Variants in LPP observed in about 807,000 individuals in gnomAD.
LPP encodes LIM domain containing preferred translocation partner in lipoma.
A neutral mutation model predicts 60.4 loss-of-function variants in LPP; 38 were observed. That is an observed-to-expected ratio of 0.63 (90% CI 0.49 to 0.83). The LOEUF (loss-of-function observed/expected upper bound fraction) is 0.83. LPP is among the 40% of genes least tolerant of loss of function. The probability of loss-of-function intolerance (pLI) is 0.00; values close to 1 mark genes in which losing one functional copy is unlikely to be tolerated. For missense variants in LPP, 902 were observed against 783.6 expected, an observed-to-expected ratio of 1.15 and a Z score of -1.80; for synonymous variants, 328 against 290.8, an observed-to-expected ratio of 1.13 and a Z score of -1.30.
At chr3:188,153,543 CCTTCCT>C (rs1195755912), upstream of LPP, 2 of 152,526 alleles carry the variant, frequency 1.3e-5, no homozygotes, top group Non-Finnish European at 2.9e-5. Flanking sequence ...TCCTACGTCT[CCTTCCT>C]CTTCCTCTAG....
chr3:188,474,528 T>A (rs149850671), intron 4 of LPP, among the ~76,000 whole-genome samples: 1 of 152,214 alleles, frequency 6.6e-6, no homozygotes, highest in African/African-American at 2.4e-5. Flanking sequence ...ACCATCATTG[T>A]CTTTGGAGGG....
chr3:188,174,184 A>T (rs1024310835), intron 1 of LPP, among the ~76,000 whole-genome samples: 1 of 152,268 alleles, frequency 6.6e-6, no homozygotes, highest in South Asian at 2.1e-4. Flanking sequence ...AGAGTTATTC[A>T]TGAGGAAATC....
intron 7 of LPP, among the ~76,000 whole-genome samples, chr3:188,704,883 G>A (rs535313473): frequency 6.6e-6 from 1 of 151,872 alleles, no homozygotes; most frequent in East Asian, 1.9e-4. Context: ...AAACATCTCA[G>A]CATGGCATGG....
intron 8 of LPP, among the ~76,000 whole-genome samples, chr3:188,745,895 G>C (rs891870133): frequency 4.6e-5 from 7 of 152,078 alleles, no homozygotes; most frequent in African/African-American, 1.7e-4. Context: ...ACTGAGGCCC[G>C]TGGTGGTTAA....
At chr3:188,176,288 G>A (rs999311494) in intron 1 of LPP, among the ~76,000 whole-genome samples, 1 of 151,920 alleles carries the variant, frequency 6.6e-6, no homozygotes, top group Non-Finnish European at 1.5e-5. Context: ...TTCAACTTCT[G>A]GGATTTCTTG....
At chr3:188,327,028 A>G (rs1758607922) in intron 2 of LPP, among the ~76,000 whole-genome samples, 1 of 152,214 alleles carries the variant, frequency 6.6e-6, no homozygotes, top group Non-Finnish European at 1.5e-5. Context: ...TTACTTTCTT[A>G]TCATCCTCTG....
chr3:188,818,159 C>G (rs1286728702), intron 9 of LPP, among the ~76,000 whole-genome samples: 1 of 152,160 alleles, frequency 6.6e-6, no homozygotes, highest in Non-Finnish European at 1.5e-5. Flanking sequence ...AGAAAAATGA[C>G]TTGCTCAAGA....
chr3:188,804,282 T>TATATATATATAA (rs1560227180), intron 9 of LPP, among the ~76,000 whole-genome samples: 3 of 123,146 alleles, frequency 2.4e-5, no homozygotes, highest in African/African-American at 6.1e-5. Context: ...TATATATATA[T>TATATATATATAA]AAAATGGAAT....
At chr3:188,432,472 A>G (rs187832909) in intron 4 of LPP, among the ~76,000 whole-genome samples, 123 of 152,320 alleles carry the variant, frequency 8.1e-4, no homozygotes, top group Non-Finnish European at 1.4e-3. Context: ...ACGAAGTTCT[A>G]AGATAAAAAT....
intron 7 of LPP, among the ~76,000 whole-genome samples, chr3:188,670,441 GTCTC>G (rs1020873586): frequency 6.0e-5 from 9 of 151,142 alleles, no homozygotes; most frequent in Non-Finnish European, 1.2e-4. Context: ...AAGAACCCAG[GTCTC>G]TCTCTTTTTT....
chr3:188,241,085 A>G (rs1289057687), intron 2 of LPP, among the ~76,000 whole-genome samples: 1 of 152,364 alleles, frequency 6.6e-6, no homozygotes, highest in African/African-American at 2.4e-5. Flanking sequence ...CAGTTTTATC[A>G]GGGAAGTGTC....
intron 6 of LPP, among the ~76,000 whole-genome samples, chr3:188,581,548 A>T (rs527523329): frequency 6.6e-6 from 1 of 151,998 alleles, no homozygotes; most frequent in Non-Finnish European, 1.5e-5. Context: ...CTGGTCCTGG[A>T]CTTTACTCAT....
intron 3 of LPP, among the ~76,000 whole-genome samples, chr3:188,383,298 A>T (rs1777380088): frequency 2.0e-5 from 3 of 152,144 alleles, no homozygotes; most frequent in Non-Finnish European, 2.9e-5. Context: ...CCAGACACAG[A>T]CTATATTTTG....
At chr3:188,593,403 A>G (rs904278075) in intron 6 of LPP, among the ~76,000 whole-genome samples, 4 of 152,066 alleles carry the variant, frequency 2.6e-5, no homozygotes, top group African/African-American at 7.2e-5. Context: ...ATACTTTAAT[A>G]TATTCATTCA....
chr3:188,524,198 T>G (rs550607801), intron 5 of LPP, among the ~76,000 whole-genome samples: 1 of 152,322 alleles, frequency 6.6e-6, no homozygotes, highest in African/African-American at 2.4e-5. Context: ...GACCTGAGAC[T>G]TCCAAGCACT....
In LPP at chr3:188,609,195, C is replaced by G. The variant is rs150267429; in HGVS notation, c.464C>G (p.Ser155Trp). The change falls in exon 7 of 12, where the codon TCG becomes TGG. Residue 155 changes from serine (S) to tryptophan (W), a missense_variant. Physicochemically the swap from Ser to Trp is radical, Grantham distance 177 (BLOSUM62 -3). Transcript: ENST00000617246. The surrounding 1 kb of genome is among the most constrained non-coding windows in gnomAD (Gnocchi z 6.9). Reference sequence around the variant, plus strand: ...GGTTCAACAGCCTCTCCTCCAGTTTCGACCCCAGTCACAGGACACAAGAGA... The same window carrying G: ...GGTTCAACAGCCTCTCCTCCAGTTTGGACCCCAGTCACAGGACACAAGAGA... ...STGSTASPPV[S>W]TPVTGHKRMV... The G allele has an allele frequency of 2.5e-6, 4 of 1,613,250 alleles. No homozygotes were observed. The East Asian group carries it at 8.9e-5, about 36-fold the overall frequency.
chr3:188,342,582 A>C (rs1017738581), intron 3 of LPP, among the ~76,000 whole-genome samples: 3 of 152,204 alleles, frequency 2.0e-5, no homozygotes, highest in Non-Finnish European at 2.9e-5. Context: ...ATTTGATATC[A>C]TTATTTAGAG....
intron 2 of LPP, among the ~76,000 whole-genome samples, chr3:188,298,597 G>A (rs1483767558): frequency 2.0e-5 from 3 of 152,052 alleles, no homozygotes; most frequent in Non-Finnish European, 2.9e-5. Context: ...CAAACTTTAC[G>A]GGTATCAATT....
intron 2 of LPP, among the ~76,000 whole-genome samples, chr3:188,330,176 CTG>C (rs1191185036): frequency 5.2e-4 from 79 of 152,234 alleles, no homozygotes; most frequent in African/African-American, 1.7e-3. Context: ...GTCTATGAGA[CTG>C]TATTGAAGAA....
Sources: allele counts gnomAD v4.1 joint callset (sites outside exome capture counted in the v4.1 genomes callset), GRCh38; gene constraint gnomAD v4.1.1; non-coding constraint Gnocchi (gnomAD v3.1); transcripts MANE v1.5; gene names NCBI Gene and HGNC (gene_info 2026-07-23, HGNC 2026-07-21).